SUGCT: variants seen among roughly 807,000 people sequenced by gnomAD.
SUGCT encodes the protein succinyl-CoA:glutarate CoA-transferase.
SUGCT carries 41 observed loss-of-function variants against 55.0 expected under a neutral mutation model. That is an observed-to-expected ratio of 0.74 (90% CI 0.58 to 0.97). SUGCT has a LOEUF of 0.97. SUGCT is among the 50% of genes least tolerant of loss of function. The probability of loss-of-function intolerance (pLI) is 0.00; values close to 1 mark genes in which losing one functional copy is unlikely to be tolerated. For synonymous variants in SUGCT, 187 were observed against 200.4 expected, an observed-to-expected ratio of 0.93 and a Z score of 0.56; for missense variants, 568 against 547.8, an observed-to-expected ratio of 1.04 and a Z score of -0.37.
intron 12 of SUGCT, among the ~76,000 whole-genome samples, chr7:40,743,804 C>T (rs1787588320): frequency 6.6e-6 from 1 of 152,188 alleles, no homozygotes; most frequent in South Asian, 2.1e-4. Flanking sequence ...ACACTCTGCA[C>T]CAGGGCCTAT....
Position 40,635,980 on chromosome 7 carries a change from T to C in SUGCT, c.1090-113454T>C, listed in dbSNP as rs182375557. Among the ~76,000 whole-genome samples, 4 of 152,348 alleles carry C rather than the reference T, an allele frequency of 2.6e-5. No homozygotes were observed. The East Asian group carries it at 7.7e-4, about 29-fold the overall frequency. ...TGTGAATTTTTGGCTTGATCTATTC[T>C]ATGGGATACGTGGAGCACAGATATT... On this transcript the variant is annotated intron_variant, in intron 12 of 13. Transcript: ENST00000335693.
rs1562589579 is a variant in SUGCT, at chr7:40,222,995, TTCCTTCCTTCCTTC to T, written c.485-14639_485-14626del. On this transcript the variant is annotated intron_variant, in intron 6 of 13. Coordinates refer to ENST00000335693, the MANE Select transcript of SUGCT (RefSeq NM_001193313.2). The stretch of plus-strand genomic sequence containing the variant: ...TTTTATTTTTCATTTCTTTCCTTCC[TTCCTTCCTTCCTTC>T]CTTCCTTCCTTCCTTCCTTCCTTCC... Among the ~76,000 whole-genome samples the T allele has an allele frequency of 1.8e-3, 232 of 130,002 alleles. 1 individual carries two copies. The highest frequency in any genetic ancestry group is 3.8e-3 in the Middle Eastern group (1 of 260). 85.3% of individuals were successfully genotyped at this position (130,002 alleles called of 152,430 possible).
chr7:40,860,533 A>G lies in SUGCT; in HGVS notation c.*54A>G. The stretch of plus-strand genomic sequence containing the variant: ...TCGATCCGAATACACTGGCAAAGGC[A>G]ACACTTTGCTTGGACCCTTCTCCCC... On this transcript the variant is annotated 3_prime_UTR_variant, in exon 14 of 14. Transcript: ENST00000335693. The G allele has an allele frequency of 6.4e-7, 1 of 1,550,608 alleles. No individual in the cohort carries two copies. Among genetic ancestry groups the G allele is most frequent in the Non-Finnish European group, 8.7e-7 (1 of 1,143,464 alleles).
intron 12 of SUGCT, among the ~76,000 whole-genome samples, chr7:40,719,561 C>A (rs1403460536): frequency 6.6e-6 from 1 of 152,020 alleles, no homozygotes; most frequent in East Asian, 1.9e-4. Flanking sequence ...AACTGAAAAC[C>A]AGGAAAAAGA....
intron 9 of SUGCT, among the ~76,000 whole-genome samples, chr7:40,361,185 A>C (rs777118992): frequency 6.6e-6 from 1 of 152,092 alleles, no homozygotes; most frequent in African/African-American, 2.4e-5. Flanking sequence ...GGGTGCTTCA[A>C]ATGGAGATCC....
chr7:40,951,329 A>G, the SUGCT span, among the ~76,000 whole-genome samples: 1 of 152,004 alleles, frequency 6.6e-6, no homozygotes, highest in African/African-American at 2.4e-5. Flanking sequence ...TATTGTGTCT[A>G]TTTGATTCTT....
the SUGCT span, among the ~76,000 whole-genome samples, chr7:40,899,881 C>T: frequency 6.6e-6 from 1 of 152,204 alleles, no homozygotes. Flanking sequence ...TATGTCATTA[C>T]ACAGCACTCT....
chr7:40,533,422 A>G (rs1794197594), intron 12 of SUGCT, among the ~76,000 whole-genome samples: 1 of 152,092 alleles, frequency 6.6e-6, no homozygotes, highest in East Asian at 1.9e-4. Flanking sequence ...ATTTTACTAT[A>G]ATTATGCAGA....
At chr7:40,564,499 G>A (rs1022415785) in intron 12 of SUGCT, among the ~76,000 whole-genome samples, 1 of 152,210 alleles carries the variant, frequency 6.6e-6, no homozygotes, top group Non-Finnish European at 1.5e-5. Context: ...TATCTGTAGG[G>A]TAGAGGAAAG....
At chr7:40,893,450 G>C in the SUGCT span, among the ~76,000 whole-genome samples, 1 of 152,082 alleles carries the variant, frequency 6.6e-6, no homozygotes, top group Non-Finnish European at 1.5e-5. Context: ...CATGAAACAA[G>C]TCTTAACAAA....
the SUGCT span, among the ~76,000 whole-genome samples, chr7:41,035,795 C>T: frequency 1.3e-5 from 2 of 152,184 alleles, no homozygotes; most frequent in Admixed American, 6.5e-5. Flanking sequence ...ACTCTGGCCA[C>T]GCAGCTTCCT....
chr7:40,342,756 C>T (rs981719269), intron 9 of SUGCT, among the ~76,000 whole-genome samples: 6 of 152,100 alleles, frequency 3.9e-5, no homozygotes, highest in African/African-American at 9.7e-5. Flanking sequence ...TATTATCCTG[C>T]CTCAGCCTCC....
intron 12 of SUGCT, chr7:40,684,146 CTTCTCTTA>C: frequency 6.3e-7 from 1 of 1,587,070 alleles, no homozygotes; most frequent in East Asian, 2.3e-5. Context: ...GAGTTGAGCC[CTTCTCTTA>C]CTACATCTCA....
At chr7:40,738,498 GTT>G (rs746163478) in intron 12 of SUGCT, among the ~76,000 whole-genome samples, 1 of 152,078 alleles carries the variant, frequency 6.6e-6, no homozygotes, top group African/African-American at 2.4e-5. Flanking sequence ...ATATATATAG[GTT>G]AAAAATGATG....
intron 9 of SUGCT, among the ~76,000 whole-genome samples, chr7:40,378,772 C>T (rs1784727998): frequency 6.6e-6 from 1 of 152,212 alleles, no homozygotes; most frequent in Non-Finnish European, 1.5e-5. Context: ...CATGCCTGGC[C>T]TTTCTCATAC....
At chr7:40,495,908 A>G (rs1446910793) in intron 11 of SUGCT, among the ~76,000 whole-genome samples, 1 of 152,202 alleles carries the variant, frequency 6.6e-6, no homozygotes, top group Non-Finnish European at 1.5e-5. Flanking sequence ...ATAATATATC[A>G]GTGCCTATCC....
At chr7:40,371,568 C>G (rs1260998544) in intron 9 of SUGCT, among the ~76,000 whole-genome samples, 1 of 152,092 alleles carries the variant, frequency 6.6e-6, no homozygotes, top group Non-Finnish European at 1.5e-5. Context: ...TTTTCTACTG[C>G]TGCTAACTGA....
At chr7:40,510,480 G>A (rs925253353) in intron 12 of SUGCT, among the ~76,000 whole-genome samples, 7 of 152,062 alleles carry the variant, frequency 4.6e-5, no homozygotes, top group Non-Finnish European at 5.9e-5. Context: ...TGCATTGGTC[G>A]GGGTGAGGGA....
At position 40,469,425 on chromosome 7, in the gene SUGCT, G is replaced by T. The variant is rs1583762966; in HGVS notation, c.986+10227G>T. Among the ~76,000 whole-genome samples, 4 of 152,152 alleles carry T rather than the reference G, an allele frequency of 2.6e-5. No homozygotes were observed. The East Asian group carries it at 7.7e-4, about 29-fold the overall frequency. The stretch of plus-strand genomic sequence containing the variant: ...ATTATCAGCTAATAGATGGTCCCTT[G>T]TAAAATGTCTATATTTTATGTGGTA... On this transcript the variant is annotated intron_variant, in intron 11 of 13. Coordinates refer to ENST00000335693, the MANE Select transcript of SUGCT (RefSeq NM_001193313.2).
Sources: gnomAD v4.1 joint callset for allele counts (sites outside exome capture counted in the v4.1 genomes callset) on GRCh38, gnomAD v4.1.1 for gene constraint, MANE v1.5 for transcripts, NCBI Gene and HGNC (gene_info 2026-07-23, HGNC 2026-07-21) for gene names.